The following EPG5 variants were observed in gnomAD, a reference collection of about 807,000 sequenced individuals.
EPG5 encodes the protein ectopic P-granules 5 autophagy tethering factor.
EPG5 carries 159 observed loss-of-function variants against 302.7 expected under a neutral mutation model. The observed-to-expected ratio is 0.53, with a 90% CI of 0.46 to 0.60. EPG5 has a LOEUF of 0.60. Ranked by LOEUF, EPG5 falls within the 20% of genes least tolerant of loss-of-function variation. The pLI is 0.00. For synonymous variants in EPG5, 1,158 were observed against 1,136.8 expected (o/e 1.02, Z -0.37); for missense variants, 2,896 against 3,092.4 (o/e 0.94, Z 1.51).
At chr18:45,948,394 C>T in intron 6 of EPG5, 109 bp downstream of exon 6, 1 of 854,118 alleles carries the variant, frequency 1.2e-6, no homozygotes. Flanking sequence ...TCTAGAATGC[C>T]AACACTTCCC....
chr18:45,840,095 C>T, the EPG5 span: 1 of 1,175,626 alleles, frequency 8.5e-7, no homozygotes, highest in Non-Finnish European at 1.2e-6. Context: ...CTGCTGTTTG[C>T]TTCAAAAACA....
chr18:45,860,265 G>A lies in EPG5; in HGVS notation c.6848C>T (p.Pro2283Leu). ...VLMMMNNATIPTAEFLRGSIR... is the reference protein window; with the variant it reads ...VLMMMNNATILTAEFLRGSIR... ...ACTGCCCCGAAGGAACTCTGCTGTT[G>A]GAATAGTCGCGTTGTTCATCATCAT... The change falls in exon 40 of 44, where the codon CCA becomes CTA. Residue 2283 changes from proline (P) to leucine (L), a missense_variant. Physicochemically the swap from Pro to Leu is moderately conservative, Grantham distance 98. This residue lies in a region of EPG5 where 620 missense variants were observed against 704.2 expected (regional missense o/e 0.88). Transcript: ENST00000282041. 6.2e-7 allele frequency: 1 copy of A among 1,614,240 alleles called. No homozygotes were observed. The highest frequency in any genetic ancestry group is 8.5e-7 in the Non-Finnish European group (1 of 1,180,044).
the EPG5 span, among the ~76,000 whole-genome samples, chr18:45,835,014 C>G: frequency 6.6e-6 from 1 of 151,880 alleles, no homozygotes; most frequent in Non-Finnish European, 1.5e-5. Context: ...AACAAACAAG[C>G]TCTTTCTAGA....
intron 40 of EPG5, 67 bp from the exon 41 acceptor site, chr18:45,858,849 T>C (rs2048572489): frequency 8.2e-7 from 1 of 1,215,244 alleles, no homozygotes; most frequent in Non-Finnish European, 1.2e-6. Flanking sequence ...CTCTAGCAAA[T>C]ATTTTCACTT....
At chr18:45,927,005 T>C (rs2050286012) in intron 13 of EPG5, among the ~76,000 whole-genome samples, 1 of 151,528 alleles carries the variant, frequency 6.6e-6, no homozygotes, top group Admixed American at 6.6e-5. Context: ...AATATAATCA[T>C]CTTGCAGTAG....
chr18:45,825,217 A>G, the EPG5 span, among the ~76,000 whole-genome samples: 1 of 130,378 alleles, frequency 7.7e-6, no homozygotes, highest in Non-Finnish European at 1.6e-5. Context: ...GGATAGAGGG[A>G]GGGAGAGAGG....
chr18:45,819,142 CA>C, the EPG5 span, among the ~76,000 whole-genome samples: 3 of 152,166 alleles, frequency 2.0e-5, no homozygotes, highest in African/African-American at 7.2e-5. Flanking sequence ...ATCTCCATTT[CA>C]TGACTCATTT....
the EPG5 span, among the ~76,000 whole-genome samples, chr18:45,827,543 G>A: frequency 6.6e-6 from 1 of 152,204 alleles, no homozygotes. Context: ...GGGCAGGTCT[G>A]AAGCCCACCT....
In EPG5 at chr18:45,870,637, T is replaced by C. The variant is rs777644749; in HGVS notation, c.6155A>G (p.His2052Arg). ...KMPEFILYAF[H>R]STYRKLPWKD... is the part of the protein sequence containing the mutation. ...CCATGGCAGTTTCCGGTACGTGCTA[T>C]GGAAAGCGTACAGAATGAACTCTGG... Residue 2052 changes from histidine to arginine, a missense_variant, in exon 36 of 44, where the codon CAT becomes CGT. By Grantham distance (29) the His-to-Arg change is conservative (BLOSUM62 0). Coordinates refer to ENST00000282041, the MANE Select transcript of EPG5 (RefSeq NM_020964.3). 2 of 1,614,030 alleles carry C rather than the reference T, an allele frequency of 1.2e-6. No individual in the cohort carries two copies. The highest frequency in any genetic ancestry group is 1.7e-6 in the Non-Finnish European group (2 of 1,179,970).
intron 43 of EPG5, 41 bp downstream of exon 43, chr18:45,855,532 A>C: frequency 1.4e-6 from 2 of 1,435,086 alleles, no homozygotes; most frequent in Non-Finnish European, 2.0e-6. Context: ...TCTAGGGAAG[A>C]TGTGCAGGCA....
intron 19 of EPG5, 85 bp from the exon 20 acceptor site, chr18:45,915,706 T>A: frequency 1.0e-6 from 1 of 986,576 alleles, no homozygotes; most frequent in Non-Finnish European, 1.6e-6. Flanking sequence ...GCAACTGTCT[T>A]ACTACAATAC....
At chr18:45,828,883 G>A in the EPG5 span, among the ~76,000 whole-genome samples, 1 of 152,220 alleles carries the variant, frequency 6.6e-6, no homozygotes, top group Non-Finnish European at 1.5e-5. Context: ...CGGGACACAG[G>A]CAAAGGTCAG....
At chr18:45,910,291 G>A (rs529826757) in intron 23 of EPG5, among the ~76,000 whole-genome samples, 8 of 152,194 alleles carry the variant, frequency 5.3e-5, no homozygotes, top group South Asian at 2.1e-4. Flanking sequence ...AGGATTTATC[G>A]CTCAGACTAC....
the EPG5 span, among the ~76,000 whole-genome samples, chr18:45,808,076 G>C: frequency 6.6e-6 from 1 of 152,116 alleles, no homozygotes; most frequent in Admixed American, 6.5e-5. Flanking sequence ...TTATAGAAAT[G>C]CAAAATGCTC....
At chr18:45,959,578 G>A (rs1372999493) in intron 1 of EPG5, among the ~76,000 whole-genome samples, 4 of 151,572 alleles carry the variant, frequency 2.6e-5, no homozygotes, top group African/African-American at 7.3e-5. Flanking sequence ...CCTGGGAGGC[G>A]GAGGTTGCAG....
intron 34 of EPG5, among the ~76,000 whole-genome samples, chr18:45,877,870 T>C (rs2145380584): frequency 6.6e-6 from 1 of 152,264 alleles, no homozygotes; most frequent in South Asian, 2.1e-4. Context: ...TTGTATACTT[T>C]CAGGGAAAAA....
chr18:45,831,894 C>T, the EPG5 span, among the ~76,000 whole-genome samples: 8,995 of 152,162 alleles, frequency 0.059, 859 homozygotes, highest in African/African-American at 0.2. Context: ...TGCACCACTG[C>T]GCCCAGCTAA....
chr18:45,893,935 T>G (rs1203289122), intron 27 of EPG5, among the ~76,000 whole-genome samples: 1 of 152,204 alleles, frequency 6.6e-6, no homozygotes, highest in Non-Finnish European at 1.5e-5. Context: ...AACTTACTTA[T>G]GAAGGGCATA....
At chr18:45,868,691 G>A (rs2048803934) in intron 36 of EPG5, among the ~76,000 whole-genome samples, 1 of 150,266 alleles carries the variant, frequency 6.7e-6, no homozygotes, top group African/African-American at 2.4e-5. Context: ...TTAATGTAAT[G>A]CTGTATTATA....
Sources: gnomAD v4.1 joint callset for allele counts (sites outside exome capture counted in the v4.1 genomes callset) on GRCh38, gnomAD v4.1.1 for gene constraint, gnomAD v4.1.1 regional missense constraint, MANE v1.5 for transcripts, NCBI Gene and HGNC (gene_info 2026-07-23, HGNC 2026-07-21) for gene names.